Variants in PRKG1 observed in about 807,000 individuals in gnomAD.
PRKG1 encodes the protein protein kinase cGMP-dependent 1.
Under a neutral mutation model 88.1 loss-of-function variants are expected in PRKG1, and 35 were observed. The observed-to-expected ratio is 0.40, with a 90% CI of 0.30 to 0.53. The LOEUF is 0.53. Ranked by LOEUF, PRKG1 falls within the 20% of genes least tolerant of loss-of-function variation. The pLI, the probability that PRKG1 is intolerant of heterozygous loss-of-function variation, is 0.59. For missense variants in PRKG1, 540 were observed against 839.8 expected (o/e 0.64, Z 4.41); for synonymous variants, 303 against 292.5 (o/e 1.04, Z -0.37).
chr10:51,172,636 G>C (rs762030958), intron 2 of PRKG1, among the ~76,000 whole-genome samples: 8,793 of 76,104 alleles, frequency 0.12, 522 homozygotes, highest in African/African-American at 0.27. Context: ...ATGTATGTAT[G>C]TATGTATGTA....
chr10:52,194,254 T>C (rs1200720735), intron 9 of PRKG1, among the ~76,000 whole-genome samples: 3 of 152,138 alleles, frequency 2.0e-5, no homozygotes, highest in African/African-American at 7.2e-5. Flanking sequence ...TCTATATCAT[T>C]TATTAGGCCA....
chr10:51,545,128 G>A (rs1433483181), intron 3 of PRKG1, among the ~76,000 whole-genome samples: 1 of 151,478 alleles, frequency 6.6e-6, no homozygotes, highest in Non-Finnish European at 1.5e-5. Flanking sequence ...GGGTTATAAG[G>A]GTCATAATAC....
intron 3 of PRKG1, among the ~76,000 whole-genome samples, chr10:51,689,168 G>T (rs78621320): frequency 0.029 from 4,396 of 152,088 alleles, 181 homozygotes; most frequent in African/African-American, 0.098. Context: ...TGAGTCTGGG[G>T]TATGTATTTA....
At chr10:51,376,088 T>A (rs1365510397) in intron 2 of PRKG1, among the ~76,000 whole-genome samples, 2 of 152,152 alleles carry the variant, frequency 1.3e-5, no homozygotes, top group Admixed American at 6.5e-5. Context: ...TAATCTAGAA[T>A]CTTGGATTAA....
At chr10:51,221,882 T>C in intron 2 of PRKG1, among the ~76,000 whole-genome samples, 1 of 148,514 alleles carries the variant, frequency 6.7e-6, no homozygotes, top group Non-Finnish European at 1.5e-5. Flanking sequence ...CTTTCTTTTT[T>C]TTTTTTTTTT....
At chr10:51,598,537 C>A (rs115679679) in intron 3 of PRKG1, among the ~76,000 whole-genome samples, 2 of 152,154 alleles carry the variant, frequency 1.3e-5, no homozygotes, top group African/African-American at 4.8e-5. Flanking sequence ...GAATTATAGG[C>A]GTCAGCCACC....
chr10:52,042,244 C>T (rs563210796), intron 5 of PRKG1, among the ~76,000 whole-genome samples: 54 of 152,180 alleles, frequency 3.5e-4, no homozygotes, highest in Non-Finnish European at 2.5e-4. Flanking sequence ...TGATATGGAA[C>T]CATGGAAGAC....
At chr10:51,996,362 A>G (rs1188671883) in intron 5 of PRKG1, among the ~76,000 whole-genome samples, 1 of 149,280 alleles carries the variant, frequency 6.7e-6, no homozygotes, top group Non-Finnish European at 1.5e-5. Context: ...CAGAATGGGA[A>G]AAATATCTGC....
chr10:51,976,057 G>T (rs1168111996), intron 5 of PRKG1, among the ~76,000 whole-genome samples: 4 of 151,942 alleles, frequency 2.6e-5, no homozygotes, highest in African/African-American at 9.7e-5. Context: ...AATCAAAACT[G>T]CAGTAAGATA....
intron 2 of PRKG1, among the ~76,000 whole-genome samples, chr10:51,284,768 T>C (rs1274731479): frequency 2.6e-5 from 4 of 151,786 alleles, no homozygotes; most frequent in African/African-American, 9.7e-5. Flanking sequence ...GGGCCATGTT[T>C]ATATATATAT....
chr10:51,685,940 T>C (rs987937178), intron 3 of PRKG1, among the ~76,000 whole-genome samples: 1 of 152,176 alleles, frequency 6.6e-6, no homozygotes, highest in African/African-American at 2.4e-5. Flanking sequence ...TTTGCCACAG[T>C]GCTGGCCCTG....
intron 9 of PRKG1, among the ~76,000 whole-genome samples, chr10:52,195,374 CATAAG>C (rs1839478443): frequency 6.6e-6 from 1 of 152,090 alleles, no homozygotes; most frequent in Non-Finnish European, 1.5e-5. Context: ...AAAGAGCATG[CATAAG>C]ATATCAACCA....
rs149827862 is a variant in PRKG1 at position 51,251,836 on chromosome 10, G to C, written c.478+98506G>C. On this transcript the variant is annotated intron_variant, in intron 2 of 17. Transcript: ENST00000373980. Reference sequence around the variant, plus strand: ...TTCACAAATGCAACAGCTTCTCCTAGATCTTGAGTTAATCAGCTACCGAAT... The same window carrying C: ...TTCACAAATGCAACAGCTTCTCCTACATCTTGAGTTAATCAGCTACCGAAT... Among the ~76,000 whole-genome samples the C allele has an allele frequency of 7.2e-5, 11 of 151,866 alleles. No homozygotes were observed. In the East Asian group the frequency reaches 2.1e-3, roughly 29 times the overall value.
intron 2 of PRKG1, among the ~76,000 whole-genome samples, chr10:51,314,356 G>GA (rs1022601212): frequency 3.3e-5 from 5 of 151,526 alleles, no homozygotes; most frequent in South Asian, 2.1e-4. Flanking sequence ...GAGTTGGCAG[G>GA]AAAAAAAAGA....
chr10:51,891,429 G>A (rs944615199), intron 4 of PRKG1, among the ~76,000 whole-genome samples: 4 of 151,998 alleles, frequency 2.6e-5, no homozygotes, highest in South Asian at 2.1e-4. Flanking sequence ...TTTTAACATC[G>A]AATAAGAACT....
chr10:51,793,661 A>G (rs563572881), intron 3 of PRKG1, among the ~76,000 whole-genome samples: 1 of 152,298 alleles, frequency 6.6e-6, no homozygotes, highest in Admixed American at 6.5e-5. Flanking sequence ...AACATATACA[A>G]GAATTCCAAT....
intron 1 of PRKG1, among the ~76,000 whole-genome samples, chr10:51,085,256 AAC>A (rs1270441811): frequency 6.6e-6 from 1 of 152,218 alleles, no homozygotes; most frequent in South Asian, 2.1e-4. Flanking sequence ...GTGACTAAGT[AAC>A]ACGTTTTGTA....
At chr10:51,951,289 T>C (rs1843178022) in intron 5 of PRKG1, among the ~76,000 whole-genome samples, 1 of 152,134 alleles carries the variant, frequency 6.6e-6, no homozygotes, top group Admixed American at 6.5e-5. Context: ...TTCAGTGAAG[T>C]AGAAGGCCAA....
chr10:52,081,342 T>A (rs935068739), intron 7 of PRKG1, among the ~76,000 whole-genome samples: 2 of 152,166 alleles, frequency 1.3e-5, no homozygotes, highest in Non-Finnish European at 2.9e-5. Context: ...ATTATTGAAA[T>A]CATAATAGTT....
Sources: allele counts gnomAD v4.1 joint callset (sites outside exome capture counted in the v4.1 genomes callset), GRCh38; gene constraint gnomAD v4.1.1; transcripts MANE v1.5; gene names NCBI Gene and HGNC (gene_info 2026-07-23, HGNC 2026-07-21).